Variants in FCHSD2 observed in about 807,000 individuals in gnomAD.
FCHSD2 encodes the protein FCH and double SH3 domains 2.
A neutral mutation model predicts 108.1 loss-of-function variants in FCHSD2; 38 were observed. That is an observed-to-expected ratio of 0.35 (90% CI 0.27 to 0.46). The LOEUF (loss-of-function observed/expected upper bound fraction) is 0.46. Ranked by LOEUF, FCHSD2 falls within the 20% of genes least tolerant of loss-of-function variation. The pLI is 1.00. For missense variants in FCHSD2, 751 were observed against 897.8 expected (o/e 0.84, Z 2.09); for synonymous variants, 279 against 314.7 (o/e 0.89, Z 1.20).
intron 8 of FCHSD2, among the ~76,000 whole-genome samples, chr11:72,957,270 G>A (rs1856732134): frequency 6.9e-6 from 1 of 144,144 alleles, no homozygotes; most frequent in Admixed American, 7.3e-5. Context: ...ACCTATGAGT[G>A]AGAATATGCG....
intron 9 of FCHSD2, among the ~76,000 whole-genome samples, chr11:72,916,233 G>A (rs943328565): frequency 6.6e-6 from 1 of 150,896 alleles, no homozygotes; most frequent in Non-Finnish European, 1.5e-5. Context: ...GGGAAAAAAA[G>A]GTTTATCAAT....
chr11:72,870,134 AT>A (rs1331503891), intron 12 of FCHSD2, among the ~76,000 whole-genome samples: 1 of 152,026 alleles, frequency 6.6e-6, no homozygotes, highest in African/African-American at 2.4e-5. Context: ...GTGAGTGCTT[AT>A]CTTTTGACGG....
intron 9 of FCHSD2, among the ~76,000 whole-genome samples, chr11:72,915,560 T>A (rs1349678479): frequency 6.6e-6 from 1 of 152,098 alleles, no homozygotes; most frequent in Non-Finnish European, 1.5e-5. Context: ...TGGTGGCTCA[T>A]GCCTGTAACC....
chr11:73,136,660 G>A (rs1259445807), intron 2 of FCHSD2, among the ~76,000 whole-genome samples: 2 of 152,116 alleles, frequency 1.3e-5, no homozygotes, highest in African/African-American at 2.4e-5. Context: ...AGTTGGCAGG[G>A]GGCACTGGTG....
At chr11:73,091,796 T>C (rs550704957) in intron 2 of FCHSD2, among the ~76,000 whole-genome samples, 1 of 152,040 alleles carries the variant, frequency 6.6e-6, no homozygotes, top group South Asian at 2.1e-4. Flanking sequence ...TCCCAGTACT[T>C]TGGGAGGCCG....
chr11:73,009,656 T>C (rs1436298447), intron 4 of FCHSD2, among the ~76,000 whole-genome samples: 1 of 152,152 alleles, frequency 6.6e-6, no homozygotes, highest in Non-Finnish European at 1.5e-5. Flanking sequence ...TGAAGGATAA[T>C]TTTGCTGAAT....
At chr11:72,853,147 T>C (rs1452934906) in intron 13 of FCHSD2, among the ~76,000 whole-genome samples, 1 of 152,192 alleles carries the variant, frequency 6.6e-6, no homozygotes, top group African/African-American at 2.4e-5. Context: ...TAAAAGTTTT[T>C]TTAAAAATTG....
intron 2 of FCHSD2, among the ~76,000 whole-genome samples, chr11:73,090,585 T>C (rs1253956266): frequency 6.6e-6 from 1 of 152,136 alleles, no homozygotes; most frequent in Non-Finnish European, 1.5e-5. Flanking sequence ...CAAAAATGCC[T>C]ACTCTGGTTC....
intron 2 of FCHSD2, among the ~76,000 whole-genome samples, chr11:73,095,704 G>C (rs1480954590): frequency 1.3e-5 from 2 of 152,166 alleles, no homozygotes; most frequent in Non-Finnish European, 2.9e-5. Flanking sequence ...TTCTGCATTT[G>C]CAACAACAAA....
intron 2 of FCHSD2, among the ~76,000 whole-genome samples, chr11:73,135,818 G>C (rs1861107476): frequency 6.6e-6 from 1 of 152,144 alleles, no homozygotes; most frequent in Non-Finnish European, 1.5e-5. Context: ...GAGAAAAACT[G>C]TATCATAATT....
intron 2 of FCHSD2, among the ~76,000 whole-genome samples, chr11:73,093,534 C>T (rs1299774429): frequency 6.6e-6 from 1 of 152,146 alleles, no homozygotes; most frequent in Non-Finnish European, 1.5e-5. Context: ...TTAAATTCAT[C>T]ACCAAGATAA....
intron 13 of FCHSD2, among the ~76,000 whole-genome samples, chr11:72,852,568 G>A (rs1385447718): frequency 6.6e-6 from 1 of 152,032 alleles, no homozygotes; most frequent in African/African-American, 2.4e-5. Flanking sequence ...GGAGGCTGAG[G>A]CACGAGAATT....
chr11:73,119,422 T>G (rs1001249379), intron 2 of FCHSD2, among the ~76,000 whole-genome samples: 4 of 152,208 alleles, frequency 2.6e-5, no homozygotes, highest in African/African-American at 7.2e-5. Flanking sequence ...GTGCTTAATA[T>G]ATCCACTTCA....
chr11:73,004,863 T>C (rs1857707056), intron 4 of FCHSD2, among the ~76,000 whole-genome samples: 1 of 152,052 alleles, frequency 6.6e-6, no homozygotes, highest in South Asian at 2.1e-4. Context: ...TTTCCCAAGT[T>C]CTCTCTTCTC....
At chr11:72,924,918 A>G (rs980016334) in intron 8 of FCHSD2, among the ~76,000 whole-genome samples, 22 of 152,178 alleles carry the variant, frequency 1.4e-4, no homozygotes, top group Admixed American at 7.9e-4. Context: ...TGTTTAGAAA[A>G]AGAAACATAT....
At chr11:73,101,140 T>A (rs1009851428) in intron 2 of FCHSD2, among the ~76,000 whole-genome samples, 1 of 152,032 alleles carries the variant, frequency 6.6e-6, no homozygotes, top group Non-Finnish European at 1.5e-5. Flanking sequence ...ATAATTGGGG[T>A]TTCAAAGAAC....
At chr11:72,928,872 C>T (rs1028670048) in intron 8 of FCHSD2, among the ~76,000 whole-genome samples, 1 of 151,982 alleles carries the variant, frequency 6.6e-6, no homozygotes, top group Non-Finnish European at 1.5e-5. Flanking sequence ...TCCCTCCCCC[C>T]GTCCCCCACC....
At chr11:73,129,038 A>C (rs1860926604) in intron 2 of FCHSD2, among the ~76,000 whole-genome samples, 1 of 150,962 alleles carries the variant, frequency 6.6e-6, no homozygotes, top group Non-Finnish European at 1.5e-5. Flanking sequence ...TGCCTGGCTA[A>C]TTTTTTGTAT....
chr11:73,141,490 C>A, intron 1 of FCHSD2: 1 of 308,940 alleles, frequency 3.2e-6, no homozygotes, highest in South Asian at 4.6e-5. Context: ...TAAACAATCA[C>A]ACACGCACAA....
Sources: allele counts gnomAD v4.1 joint callset (sites outside exome capture counted in the v4.1 genomes callset), GRCh38; gene constraint gnomAD v4.1.1; transcripts MANE v1.5; gene names NCBI Gene and HGNC (gene_info 2026-07-23, HGNC 2026-07-21).